PAX7: variants seen among roughly 807,000 people sequenced by gnomAD.
The protein encoded by PAX7 is paired box protein Pax-7.
PAX7 carries 18 observed loss-of-function variants against 50.7 expected under a neutral mutation model. That is an observed-to-expected ratio of 0.36 (90% CI 0.25 to 0.53). The LOEUF (loss-of-function observed/expected upper bound fraction) is 0.53. Ranked by LOEUF, PAX7 falls within the 20% of genes least tolerant of loss-of-function variation. The pLI is 0.93. For synonymous variants in PAX7, 310 were observed against 290.4 expected (o/e 1.07, Z -0.69); for missense variants, 644 against 702.9 (o/e 0.92, Z 0.95).
intron 4 of PAX7, among the ~76,000 whole-genome samples, chr1:18,676,391 G>T (rs1289581352): frequency 6.6e-6 from 1 of 151,708 alleles, no homozygotes; most frequent in Non-Finnish European, 1.5e-5. Context: ...GGGGTTGCTG[G>T]GGAGAGAGGG....
At chr1:18,740,354 G>T (rs992945136) in intron 8 of PAX7, among the ~76,000 whole-genome samples, 2 of 152,136 alleles carry the variant, frequency 1.3e-5, no homozygotes, top group Non-Finnish European at 2.9e-5. Flanking sequence ...CCCATGGGCT[G>T]GTCGCTGGGA....
chr1:18,647,101 C>G (rs1172830199), intron 4 of PAX7, among the ~76,000 whole-genome samples: 1 of 151,856 alleles, frequency 6.6e-6, no homozygotes, highest in Non-Finnish European at 1.5e-5. Context: ...GCACAAAACC[C>G]ACAACAAAAC....
At position 18,631,360 on chromosome 1, in the gene PAX7, C is replaced by A. The variant is rs1161828251; in HGVS notation, c.-244C>A. On this transcript the variant is annotated 5_prime_UTR_variant, in exon 1 of 9. Transcript: ENST00000420770. ...GAGTGTTTGTTTGTTTGAACTTCCT[C>A]GTCGTCGCCACCTTCCCTCCCCCCA... 4.2e-5 allele frequency: 22 copies of A among 518,694 alleles called. No individual in the cohort carries two copies. The highest frequency in any genetic ancestry group is 1.4e-5 in the Non-Finnish European group (4 of 288,086). 32.1% of individuals were successfully genotyped at this position (518,694 alleles called of 1,614,324 possible).
chr1:18,643,804 T>C (rs1427424719), intron 4 of PAX7, among the ~76,000 whole-genome samples: 2 of 152,156 alleles, frequency 1.3e-5, no homozygotes, highest in Non-Finnish European at 2.9e-5. Context: ...TGCCGCTTAA[T>C]TAGAGGCGAG....
chr1:18,646,203 C>T (rs2088335223), intron 4 of PAX7, among the ~76,000 whole-genome samples: 1 of 152,186 alleles, frequency 6.6e-6, no homozygotes, highest in Non-Finnish European at 1.5e-5. Flanking sequence ...CGGAGTGAAC[C>T]CTAAGAAAAG....
In PAX7 at chr1:18,700,864, C is replaced by T. The variant is rs968880118; in HGVS notation, c.952+46C>T. On this transcript the variant is annotated intron_variant, in intron 6 of 8. Coordinates refer to ENST00000420770, the MANE Select transcript of PAX7 (RefSeq NM_001135254.2). This position sits in a 1 kb window ranked among gnomAD's most constrained non-coding sequence, Gnocchi z 4.8. ...CTGCCATCTCAGTGGTGCCCCTTCC[C>T]TTCTTTCTTTACTTTCACTTACAAA... 91 of 1,334,238 alleles carry T rather than the reference C, an allele frequency of 6.8e-5. No homozygotes were observed. Among genetic ancestry groups the T allele is most frequent in the Non-Finnish European group, 7.8e-5 (80 of 1,028,100 alleles). 82.6% of individuals were successfully genotyped at this position (1,334,238 alleles called of 1,614,324 possible). A position where few individuals can be genotyped will look rare whatever the true frequency, so the allele number is the denominator to read the frequency against.
At chr1:18,664,345 G>C (rs953212545) in intron 4 of PAX7, among the ~76,000 whole-genome samples, 3 of 152,192 alleles carry the variant, frequency 2.0e-5, no homozygotes, top group Non-Finnish European at 4.4e-5. Flanking sequence ...GGCCACATCT[G>C]AGTTTTTCCT....
At chr1:18,713,333 C>T (rs2089378846) in intron 7 of PAX7, among the ~76,000 whole-genome samples, 2 of 152,156 alleles carry the variant, frequency 1.3e-5, no homozygotes. Context: ...CATGGCAGTA[C>T]TTGGCACACA....
intron 4 of PAX7, among the ~76,000 whole-genome samples, chr1:18,652,098 G>A (rs1001810487): frequency 6.6e-6 from 1 of 151,956 alleles, no homozygotes; most frequent in African/African-American, 2.4e-5. Flanking sequence ...CCGGGCAGCA[G>A]CGGAAAGGCT....
intron 4 of PAX7, among the ~76,000 whole-genome samples, chr1:18,640,384 A>AG (rs1432200699): frequency 1.4e-5 from 2 of 147,588 alleles, no homozygotes; most frequent in Admixed American, 6.9e-5. Context: ...GAATAGGGGA[A>AG]GGGGGGCACG....
At chr1:18,681,540 G>C (rs1448880827) in intron 4 of PAX7, among the ~76,000 whole-genome samples, 2 of 152,152 alleles carry the variant, frequency 1.3e-5, no homozygotes, top group East Asian at 3.9e-4. Flanking sequence ...TCCTAGAAAG[G>C]CTCTTTCCTG....
intron 8 of PAX7, among the ~76,000 whole-genome samples, chr1:18,739,858 C>A (rs140400847): frequency 6.6e-6 from 1 of 152,184 alleles, no homozygotes; most frequent in African/African-American, 2.4e-5. Flanking sequence ...CAGATTAATA[C>A]GGCCCTGGTG....
intron 5 of PAX7, among the ~76,000 whole-genome samples, chr1:18,697,419 AATG>A (rs772581713): frequency 2.2e-4 from 33 of 152,196 alleles, no homozygotes; most frequent in Non-Finnish European, 4.3e-4. Flanking sequence ...TCTCCAGCAG[AATG>A]ATACTTACCT....
At chr1:18,694,213 G>A (rs1000567643) in intron 5 of PAX7, among the ~76,000 whole-genome samples, 7 of 152,158 alleles carry the variant, frequency 4.6e-5, no homozygotes, top group African/African-American at 1.7e-4. Flanking sequence ...TGTAATCCCA[G>A]CCCTTTGGGA....
intron 8 of PAX7, among the ~76,000 whole-genome samples, chr1:18,743,387 C>T (rs1931252829): frequency 6.6e-6 from 1 of 152,228 alleles, no homozygotes; most frequent in African/African-American, 2.4e-5. Flanking sequence ...TGGCCTCATC[C>T]TCAGGCCGTG....
At chr1:18,683,697 C>A (rs941982913) in intron 4 of PAX7, among the ~76,000 whole-genome samples, 2 of 152,078 alleles carry the variant, frequency 1.3e-5, no homozygotes, top group African/African-American at 4.8e-5. Flanking sequence ...AAAATTAGTC[C>A]GGCACGGTGG....
intron 7 of PAX7, among the ~76,000 whole-genome samples, chr1:18,717,513 A>G (rs2089443014): frequency 1.3e-5 from 2 of 152,162 alleles, no homozygotes; most frequent in South Asian, 4.2e-4. Context: ...CTCTGGTCTC[A>G]GCTCAGAGGT....
chr1:18,669,976 G>A (rs1010322674), intron 4 of PAX7, among the ~76,000 whole-genome samples: 8 of 151,670 alleles, frequency 5.3e-5, no homozygotes, highest in Admixed American at 4.6e-4. Context: ...CCAGCTACTC[G>A]GGAGGCTGAA....
At chr1:18,642,079 CT>C (rs550627745) in intron 4 of PAX7, among the ~76,000 whole-genome samples, 66 of 145,412 alleles carry the variant, frequency 4.5e-4, no homozygotes, top group African/African-American at 9.3e-4. Flanking sequence ...ATTATTTGGG[CT>C]TTTTTTTTTA....
Sources: allele counts gnomAD v4.1 joint callset (sites outside exome capture counted in the v4.1 genomes callset), GRCh38; gene constraint gnomAD v4.1.1; non-coding constraint Gnocchi (gnomAD v3.1); transcripts MANE v1.5; gene names NCBI Gene and HGNC (gene_info 2026-07-23, HGNC 2026-07-21).